Variants in SOX6 observed in about 807,000 individuals in gnomAD.
The protein encoded by SOX6 is transcription factor SOX-6.
A neutral mutation model predicts 97.8 loss-of-function variants in SOX6; 11 were observed. That is an observed-to-expected ratio of 0.11 (90% CI 0.07 to 0.19). SOX6 has a LOEUF of 0.19. Ranked by LOEUF, SOX6 falls within the 10% of genes least tolerant of loss-of-function variation. The pLI is 1.00. For missense variants in SOX6, 810 were observed against 1,039.5 expected, an observed-to-expected ratio of 0.78 and a Z score of 3.04; for synonymous variants, 360 against 371.4, an observed-to-expected ratio of 0.97 and a Z score of 0.35.
chr11:16,079,902 T>C (rs1292596829), intron 9 of SOX6, among the ~76,000 whole-genome samples: 2 of 152,018 alleles, frequency 1.3e-5, no homozygotes, highest in Non-Finnish European at 2.9e-5. Context: ...ACCTTATATA[T>C]ATCAACCATA....
At chr11:16,645,232 C>T (rs182704882) in intron 3 of SOX6, among the ~76,000 whole-genome samples, 2 of 152,276 alleles carry the variant, frequency 1.3e-5, no homozygotes, top group Non-Finnish European at 2.9e-5. Flanking sequence ...AAGCTGGCAA[C>T]ATACTGTCTC....
chr11:16,613,452 C>A lies in SOX6; in HGVS notation n.430-1192G>T, dbSNP rs915701689. Among the ~76,000 whole-genome samples, 1 of 152,104 alleles carries A rather than the reference C, an allele frequency of 6.6e-6. No individual in the cohort carries two copies. The highest frequency in any genetic ancestry group is 1.5e-5 in the Non-Finnish European group (1 of 68,022). ...CAGAGCCTCTGTCTTGCCAGTTGCGCACTCTGAGACATCTCTCGGTGCAGA... is the reference window on the plus strand; with the variant it reads ...CAGAGCCTCTGTCTTGCCAGTTGCGAACTCTGAGACATCTCTCGGTGCAGA... On this transcript the variant is annotated intron_variant and non_coding_transcript_variant, in intron 3 of 5. Coordinates refer to the SOX6 transcript ENST00000524520. The surrounding 1 kb of genome is among the most constrained non-coding windows in gnomAD (Gnocchi z 4.6).
At chr11:16,043,756 G>T (rs1855746209) in intron 12 of SOX6, among the ~76,000 whole-genome samples, 2 of 152,170 alleles carry the variant, frequency 1.3e-5, no homozygotes, top group Non-Finnish European at 2.9e-5. Flanking sequence ...AGGACTGGAA[G>T]ATTTATTCCC....
chr11:16,205,050 A>G (rs1852037346), intron 4 of SOX6, among the ~76,000 whole-genome samples: 1 of 152,138 alleles, frequency 6.6e-6, no homozygotes, highest in Non-Finnish European at 1.5e-5. Context: ...AAGAAGCAAC[A>G]TTGGTTCTTA....
intron 4 of SOX6, chr11:16,484,398 C>G (rs1167069930): frequency 2.5e-6 from 2 of 790,118 alleles, no homozygotes; most frequent in Non-Finnish European, 4.6e-6. Flanking sequence ...TTCTGGCAGG[C>G]TCCTTTAACC....
intron 9 of SOX6, among the ~76,000 whole-genome samples, chr11:16,082,341 A>T (rs1848490436): frequency 6.6e-6 from 1 of 152,204 alleles, no homozygotes; most frequent in Admixed American, 6.5e-5. Flanking sequence ...TCTGCCAAGG[A>T]ACATTTTATT....
chr11:16,233,448 TA>T (rs989607896), intron 4 of SOX6, among the ~76,000 whole-genome samples: 7 of 152,132 alleles, frequency 4.6e-5, no homozygotes, highest in African/African-American at 1.7e-4. Flanking sequence ...TTAACATGTC[TA>T]AAAATAATAA....
intron 3 of SOX6, among the ~76,000 whole-genome samples, chr11:16,643,070 G>A (rs1039374134): frequency 1.3e-5 from 2 of 152,146 alleles, no homozygotes; most frequent in Non-Finnish European, 2.9e-5. Context: ...CTTTGATGAT[G>A]GTGACGTACA....
At chr11:16,096,365 A>G (rs1848794700) in intron 8 of SOX6, among the ~76,000 whole-genome samples, 1 of 151,862 alleles carries the variant, frequency 6.6e-6, no homozygotes, top group Non-Finnish European at 1.5e-5. Context: ...GAGAAGAAAT[A>G]TATTAGGTTT....
intron 1 of SOX6, among the ~76,000 whole-genome samples, chr11:16,419,656 A>G (rs908907132): frequency 6.6e-6 from 1 of 152,194 alleles, no homozygotes; most frequent in Non-Finnish European, 1.5e-5. Flanking sequence ...AAAATACATG[A>G]CATCTAGATT....
At chr11:16,279,169 T>C (rs1050106805) in intron 3 of SOX6, among the ~76,000 whole-genome samples, 1 of 152,064 alleles carries the variant, frequency 6.6e-6, no homozygotes, top group African/African-American at 2.4e-5. Context: ...AGTCCCACTA[T>C]TGAAATACAA....
intron 3 of SOX6, among the ~76,000 whole-genome samples, chr11:16,254,765 C>G (rs1285685013): frequency 1.3e-5 from 2 of 151,922 alleles, no homozygotes; most frequent in African/African-American, 4.8e-5. Context: ...TGGGTAGGTA[C>G]TAATCCAACT....
At chr11:16,564,933 A>C (rs1361471666) in intron 4 of SOX6, among the ~76,000 whole-genome samples, 1 of 151,950 alleles carries the variant, frequency 6.6e-6, no homozygotes, top group African/African-American at 2.4e-5. Context: ...ATTAACCCAA[A>C]GCAAGCAGAA....
At chr11:16,485,522 G>A (rs536076661) in intron 4 of SOX6, among the ~76,000 whole-genome samples, 79 of 152,150 alleles carry the variant, frequency 5.2e-4, no homozygotes, top group Non-Finnish European at 6.3e-4. Context: ...ATGAGGTCAG[G>A]AGTTTGAGAC....
chr11:16,382,039 C>A (rs1187970176), intron 1 of SOX6, among the ~76,000 whole-genome samples: 1 of 151,858 alleles, frequency 6.6e-6, no homozygotes, highest in African/African-American at 2.4e-5. Context: ...TTAAAATAGG[C>A]CATTTCTTAC....
At position 16,167,352 on chromosome 11, in the gene SOX6, C is replaced by G. The variant is rs150594042; in HGVS notation, c.777+16534G>C. 7.9e-5 allele frequency among the ~76,000 whole-genome samples: 12 copies of G among 152,228 alleles called. No individual in the cohort carries two copies. In the East Asian group the frequency reaches 1.4e-3, roughly 17 times the overall value. ...TTGACTTCTCACTATTAACCTGGTC[C>G]AAGTTACCAACACTTTGCCTAAAAT... On this transcript the variant is annotated intron_variant, in intron 6 of 15. Coordinates refer to ENST00000683767, the MANE Select transcript of SOX6 (RefSeq NM_001367873.1).
rs200641109 is a variant in SOX6, at chr11:16,186,977, A to C, written c.536-22T>G. On this transcript the variant is annotated intron_variant, in intron 4 of 15. Coordinates refer to ENST00000683767, the MANE Select transcript of SOX6 (RefSeq NM_001367873.1). The stretch of plus-strand genomic sequence containing the variant: ...GTACCTAAAATGGAAGCAAGAAGAG[A>C]TCTCACAAGCTTGAGAAATACCTGG... 4.9e-4 allele frequency: 791 copies of C among 1,613,484 alleles called. 2 individuals are homozygous for C. Among genetic ancestry groups the C allele is most frequent in the Non-Finnish European group, 6.3e-4 (743 of 1,179,636 alleles).
chr11:16,587,904 C>T (rs1229749062), intron 4 of SOX6, among the ~76,000 whole-genome samples: 1 of 152,196 alleles, frequency 6.6e-6, no homozygotes, highest in Admixed American at 6.5e-5. Context: ...TGTCCCAATG[C>T]CCTGCCTATT....
intron 3 of SOX6, among the ~76,000 whole-genome samples, chr11:16,301,579 G>C (rs1855259209): frequency 6.6e-6 from 1 of 152,116 alleles, no homozygotes; most frequent in South Asian, 2.1e-4. Flanking sequence ...GACAGTTTGA[G>C]AAACACTGGG....
Sources: allele counts gnomAD v4.1 joint callset (sites outside exome capture counted in the v4.1 genomes callset), GRCh38; gene constraint gnomAD v4.1.1; non-coding constraint Gnocchi (gnomAD v3.1); transcripts MANE v1.5; gene names NCBI Gene and HGNC (gene_info 2026-07-23, HGNC 2026-07-21).